LRRC4C: variants seen among roughly 807,000 people sequenced by gnomAD.
LRRC4C encodes the protein leucine rich repeat containing 4C, also known as leucine-rich repeat-containing protein 4C.
Under a neutral mutation model 33.6 loss-of-function variants are expected in LRRC4C, and 5 were observed. The observed-to-expected ratio is 0.15, with a 90% CI of 0.08 to 0.31. The LOEUF (loss-of-function observed/expected upper bound fraction) is 0.31. Among genes scored for constraint, LRRC4C ranks in the 10% least tolerant of loss-of-function variants. The pLI is 1.00. For missense variants in LRRC4C, 560 were observed against 796.7 expected (o/e 0.70, Z 3.58); for synonymous variants, 329 against 302.0 (o/e 1.09, Z -0.93).
chr11:40,192,174 G>A (rs187561511), intron 5 of LRRC4C, among the ~76,000 whole-genome samples: 5 of 151,898 alleles, frequency 3.3e-5, no homozygotes, highest in Admixed American at 6.6e-5. Context: ...CTTGATTCCC[G>A]GGCAAGATGG....
chr11:40,908,826 AC>A (rs1477131114), intron 2 of LRRC4C, among the ~76,000 whole-genome samples: 3 of 152,132 alleles, frequency 2.0e-5, no homozygotes, highest in African/African-American at 7.2e-5. Flanking sequence ...CAGGTGGTAA[AC>A]TCTGCAATCT....
At chr11:40,418,471 C>T (rs1427535695) in intron 3 of LRRC4C, among the ~76,000 whole-genome samples, 3 of 152,032 alleles carry the variant, frequency 2.0e-5, no homozygotes, top group African/African-American at 4.8e-5. Flanking sequence ...TAGATGCTGG[C>T]TAGGCTGTGG....
chr11:40,986,733 C>T (rs921551201), intron 1 of LRRC4C, among the ~76,000 whole-genome samples: 4 of 152,090 alleles, frequency 2.6e-5, no homozygotes, highest in Non-Finnish European at 5.9e-5. Context: ...AAAACAAGAA[C>T]AGTGATGAGA....
At chr11:40,398,522 C>T (rs908483305) in intron 3 of LRRC4C, among the ~76,000 whole-genome samples, 1 of 151,882 alleles carries the variant, frequency 6.6e-6, no homozygotes, top group African/African-American at 2.4e-5. Context: ...ATGGATAAAC[C>T]AGTGATTCTG....
At chr11:40,811,060 T>G (rs1951467161) in intron 2 of LRRC4C, among the ~76,000 whole-genome samples, 1 of 152,192 alleles carries the variant, frequency 6.6e-6, no homozygotes, top group African/African-American at 2.4e-5. Flanking sequence ...CTGGAGATCT[T>G]TTAATTCCTT....
At chr11:40,959,600 C>T (rs553589390) in intron 1 of LRRC4C, among the ~76,000 whole-genome samples, 1 of 151,804 alleles carries the variant, frequency 6.6e-6, no homozygotes, top group South Asian at 2.1e-4. Context: ...CCTGCTATTT[C>T]TATGTTTATA....
intron 3 of LRRC4C, among the ~76,000 whole-genome samples, chr11:40,356,480 A>G (rs1017375949): frequency 1.3e-5 from 2 of 152,296 alleles, no homozygotes; most frequent in Middle Eastern, 3.4e-3. Flanking sequence ...TAGGTTAGAG[A>G]GGTAGAAGGA....
chr11:40,463,929 C>G (rs1323394515), intron 3 of LRRC4C, among the ~76,000 whole-genome samples: 1 of 151,992 alleles, frequency 6.6e-6, no homozygotes, highest in Non-Finnish European at 1.5e-5. Flanking sequence ...TGTAAAATAT[C>G]AACAAGAGAA....
intron 3 of LRRC4C, among the ~76,000 whole-genome samples, chr11:40,389,795 A>C (rs1457988503): frequency 6.6e-6 from 1 of 152,180 alleles, no homozygotes. Flanking sequence ...CATAAGCATG[A>C]AGTTGTTATA....
intron 4 of LRRC4C, among the ~76,000 whole-genome samples, chr11:40,282,596 T>C (rs1336930667): frequency 6.6e-6 from 1 of 152,078 alleles, no homozygotes; most frequent in African/African-American, 2.4e-5. Context: ...CTGGAAATAA[T>C]CTAAAACTAG....
intron 4 of LRRC4C, among the ~76,000 whole-genome samples, chr11:40,318,849 T>C (rs1369258171): frequency 6.6e-6 from 1 of 152,232 alleles, no homozygotes. Flanking sequence ...AGTCATCTGC[T>C]CTGTGATAGC....
chr11:40,922,522 C>T (rs1957223975), intron 2 of LRRC4C, among the ~76,000 whole-genome samples: 1 of 152,270 alleles, frequency 6.6e-6, no homozygotes, highest in Non-Finnish European at 1.5e-5. Context: ...CCAGCACAGT[C>T]ATTCTCTTGT....
intron 4 of LRRC4C, among the ~76,000 whole-genome samples, chr11:40,271,859 T>A (rs1166835159): frequency 6.6e-6 from 1 of 152,198 alleles, no homozygotes; most frequent in East Asian, 1.9e-4. Context: ...TCATGTCCTA[T>A]GATTTTCACA....
intron 2 of LRRC4C, among the ~76,000 whole-genome samples, chr11:40,804,294 T>C (rs1262808888): frequency 6.6e-6 from 1 of 152,166 alleles, no homozygotes; most frequent in African/African-American, 2.4e-5. Flanking sequence ...ATTCTTACCC[T>C]AAATTAAAAT....
chr11:40,227,880 C>T (rs1356117773), intron 5 of LRRC4C, among the ~76,000 whole-genome samples: 1 of 152,136 alleles, frequency 6.6e-6, no homozygotes, highest in Admixed American at 6.5e-5. Flanking sequence ...AGATCTACCA[C>T]TCAGAGTGGA....
chr11:40,573,278 T>C (rs1019605120), intron 3 of LRRC4C, among the ~76,000 whole-genome samples: 4 of 152,158 alleles, frequency 2.6e-5, no homozygotes, highest in Non-Finnish European at 5.9e-5. Context: ...AATTCATTGG[T>C]GTTTCTGGTG....
At chr11:40,652,722 G>A (rs995517507) in intron 2 of LRRC4C, among the ~76,000 whole-genome samples, 1 of 152,164 alleles carries the variant, frequency 6.6e-6, no homozygotes, top group South Asian at 2.1e-4. Flanking sequence ...AGACAGTGAG[G>A]AAGGAGAATG....
chr11:41,007,493 C>T (rs1223795975), intron 1 of LRRC4C, among the ~76,000 whole-genome samples: 3 of 151,856 alleles, frequency 2.0e-5, no homozygotes, highest in East Asian at 1.9e-4. Context: ...TTTTAATGCA[C>T]ATATGTTTGA....
intron 1 of LRRC4C, among the ~76,000 whole-genome samples, chr11:41,055,758 A>C (rs1858574451): frequency 6.6e-6 from 1 of 152,142 alleles, no homozygotes; most frequent in Admixed American, 6.5e-5. Flanking sequence ...TGCTACAGTA[A>C]AGAATAGAAG....
Sources: allele counts gnomAD v4.1 joint callset (sites outside exome capture counted in the v4.1 genomes callset), GRCh38; gene constraint gnomAD v4.1.1; transcripts MANE v1.5; gene names NCBI Gene and HGNC (gene_info 2026-07-23, HGNC 2026-07-21).